GLI2: variants seen among roughly 807,000 people sequenced by gnomAD.
GLI2 encodes the protein GLI family zinc finger 2.
A neutral mutation model predicts 78.9 loss-of-function variants in GLI2; 22 were observed. The observed-to-expected ratio is 0.28, with a 90% confidence interval of 0.20 to 0.40. The LOEUF is 0.40. Among genes scored for constraint, GLI2 ranks in the 10% least tolerant of loss-of-function variants. The pLI is 1.00. For synonymous variants in GLI2, 974 were observed against 963.7 expected (o/e 1.01, Z -0.20); for missense variants, 2,097 against 2,213.2 (o/e 0.95, Z 1.05).
intron 1 of GLI2, among the ~76,000 whole-genome samples, chr2:120,750,534 T>C (rs185529723): frequency 9.8e-5 from 15 of 152,350 alleles, no homozygotes; most frequent in African/African-American, 3.6e-4. Flanking sequence ...GTAAAAGAGT[T>C]AGTATGAGAC....
At chr2:120,839,661 C>T (rs561651554) in intron 2 of GLI2, among the ~76,000 whole-genome samples, 2 of 152,234 alleles carry the variant, frequency 1.3e-5, no homozygotes, top group Non-Finnish European at 1.5e-5. Context: ...CTCCCAGGTT[C>T]AAGAGATTCT....
rs372456490 is a variant in GLI2 at position 120,797,015 on chromosome 2, C to T, written c.-30-276C>T. 3.5e-4 allele frequency among the ~76,000 whole-genome samples: 53 copies of T among 152,240 alleles called. No homozygotes were observed. In the South Asian group the frequency reaches 9.6e-3, roughly 27 times the overall value. ...TTTATTTCCCTCATCAGAGGCTACC[C>T]GCCACTCATATCAGTAGGAACCTGT... On this transcript the variant is annotated intron_variant, in intron 1 of 13. Coordinates refer to ENST00000361492, the MANE Select transcript of GLI2 (RefSeq NM_001374353.1).
intron 1 of GLI2, among the ~76,000 whole-genome samples, chr2:120,753,752 G>A (rs1388816006): frequency 6.6e-6 from 1 of 151,946 alleles, no homozygotes; most frequent in Non-Finnish European, 1.5e-5. Context: ...CAAAAAATTA[G>A]CCGGGCGAGG....
At chr2:120,782,098 G>A (rs1055544478) in intron 1 of GLI2, among the ~76,000 whole-genome samples, 6 of 152,118 alleles carry the variant, frequency 3.9e-5, no homozygotes, top group African/African-American at 1.4e-4. Context: ...ACCTAAAATA[G>A]GCACAGTACT....
At chr2:120,889,094 CATCTTT>C (rs781293796) in intron 2 of GLI2, among the ~76,000 whole-genome samples, 19 of 152,212 alleles carry the variant, frequency 1.2e-4, no homozygotes, top group Non-Finnish European at 2.5e-4. Flanking sequence ...AAACAGAACG[CATCTTT>C]ATCTGGTCCT....
At chr2:120,773,931 T>G (rs55670957) in intron 1 of GLI2, among the ~76,000 whole-genome samples, 1 of 70,736 alleles carries the variant, frequency 1.4e-5, no homozygotes, top group Non-Finnish European at 2.6e-5. Flanking sequence ...CCTTCCTTCC[T>G]TCCCTCCCTC....
chr2:120,748,122 A>G (rs1682747189), intron 1 of GLI2, among the ~76,000 whole-genome samples: 1 of 152,202 alleles, frequency 6.6e-6, no homozygotes, highest in Admixed American at 6.5e-5. Flanking sequence ...TAGGAAAGGC[A>G]TGATCTGGAA....
chr2:120,830,472 G>A (rs937260222), intron 2 of GLI2, among the ~76,000 whole-genome samples: 2 of 152,218 alleles, frequency 1.3e-5, no homozygotes, highest in Non-Finnish European at 2.9e-5. Flanking sequence ...TGGTGTGTAC[G>A]GAGAAGTGGG....
At chr2:120,753,538 T>C (rs1682941176) in intron 1 of GLI2, among the ~76,000 whole-genome samples, 1 of 152,228 alleles carries the variant, frequency 6.6e-6, no homozygotes, top group Non-Finnish European at 1.5e-5. Flanking sequence ...GTTGCTTGTG[T>C]TTCTTAGCAA....
intron 2 of GLI2, among the ~76,000 whole-genome samples, chr2:120,845,792 G>A (rs1032666460): frequency 6.6e-6 from 1 of 152,180 alleles, no homozygotes; most frequent in African/African-American, 2.4e-5. Flanking sequence ...TTACTTATTA[G>A]GTTCCAGGTA....
rs145799278 is a variant in GLI2, at chr2:120,812,427, G to C, written c.148+14959G>C. 4.7e-3 allele frequency among the ~76,000 whole-genome samples: 720 copies of C among 152,322 alleles called. 7 individuals are homozygous for C. Among genetic ancestry groups the C allele is most frequent in the African/African-American group, 0.016 (654 of 41,580 alleles). ...CTTGTCTTTCACGGGGGAATGATGA[G>C]GACTTCCCTCCTAGGGCCGTGGTCA... On this transcript the variant is annotated intron_variant, in intron 2 of 13. Coordinates refer to ENST00000361492, the MANE Select transcript of GLI2 (RefSeq NM_001374353.1).
At chr2:120,943,468 AGCAG>A (rs997328243) in intron 3 of GLI2, among the ~76,000 whole-genome samples, 1 of 152,202 alleles carries the variant, frequency 6.6e-6, no homozygotes, top group Non-Finnish European at 1.5e-5. Context: ...CACCCTGAGA[AGCAG>A]GCAGGTGGTG....
chr2:120,892,382 C>A (rs942570402), intron 2 of GLI2, among the ~76,000 whole-genome samples: 1 of 152,198 alleles, frequency 6.6e-6, no homozygotes, highest in African/African-American at 2.4e-5. Context: ...GGGCAGGGCA[C>A]AGGCCTCTGT....
chr2:120,935,408 A>G (rs980716835), intron 3 of GLI2, among the ~76,000 whole-genome samples: 3 of 152,240 alleles, frequency 2.0e-5, no homozygotes, highest in Non-Finnish European at 4.4e-5. Flanking sequence ...GTCTGAGGGT[A>G]GACCGACTAG....
intron 2 of GLI2, among the ~76,000 whole-genome samples, chr2:120,798,799 G>A (rs1214666939): frequency 1.3e-5 from 2 of 152,172 alleles, no homozygotes; most frequent in Non-Finnish European, 2.9e-5. Flanking sequence ...TGGTCCTGGG[G>A]CCACACATGG....
At chr2:120,913,558 AG>A (rs1678939726) in intron 2 of GLI2, among the ~76,000 whole-genome samples, 2 of 152,282 alleles carry the variant, frequency 1.3e-5, no homozygotes, top group South Asian at 4.2e-4. Flanking sequence ...GTGGACACCT[AG>A]GGAAGATTCT....
At chr2:120,803,529 G>A (rs562974864) in intron 2 of GLI2, among the ~76,000 whole-genome samples, 1 of 152,302 alleles carries the variant, frequency 6.6e-6, no homozygotes, top group East Asian at 1.9e-4. Flanking sequence ...ACAGCAGGTG[G>A]GAAACCCAGG....
Position 120,814,139 on chromosome 2 carries a change from A to G in GLI2, c.148+16671A>G, listed in dbSNP as rs185729690. On this transcript the variant is annotated intron_variant, in intron 2 of 13. Coordinates refer to ENST00000361492, the MANE Select transcript of GLI2 (RefSeq NM_001374353.1). ...GTGCCCCACTGAGGGTTCCTTTTGC[A>G]CTCCAGACCTGTTGCACAGCTGGGC... Among the ~76,000 whole-genome samples the G allele has an allele frequency of 1.7e-3, 259 of 152,186 alleles. 1 individual carries two copies. The highest frequency in any genetic ancestry group is 3.4e-3 in the Non-Finnish European group (228 of 68,016).
rs148909752 is a variant in GLI2 at position 120,904,826 on chromosome 2, G to C, written c.149-22535G>C. Among the ~76,000 whole-genome samples the C allele has an allele frequency of 3.3e-3, 496 of 152,286 alleles. 5 individuals carry two copies. Among genetic ancestry groups the C allele is most frequent in the Non-Finnish European group, 4.8e-3 (326 of 68,032 alleles). ...AGTTGGAAAATAAAGGAGGTGAGGTGGGGGTGGATGATGTCTCTCCCAACT... is the reference window on the plus strand; with the variant it reads ...AGTTGGAAAATAAAGGAGGTGAGGTCGGGGTGGATGATGTCTCTCCCAACT... On this transcript the variant is annotated intron_variant, in intron 2 of 13. Coordinates refer to ENST00000361492, the MANE Select transcript of GLI2 (RefSeq NM_001374353.1).
Sources: gnomAD v4.1 joint callset for allele counts (sites outside exome capture counted in the v4.1 genomes callset) on GRCh38, gnomAD v4.1.1 for gene constraint, MANE v1.5 for transcripts, NCBI Gene and HGNC (gene_info 2026-07-23, HGNC 2026-07-21) for gene names.